Variants in ALK observed in about 807,000 individuals in gnomAD.
ALK encodes the protein ALK tyrosine kinase receptor.
A neutral mutation model predicts 163.1 loss-of-function variants in ALK; 74 were observed. The observed-to-expected ratio is 0.45, with a 90% CI of 0.38 to 0.55. ALK has a LOEUF of 0.55. Among genes scored for constraint, ALK ranks in the 20% least tolerant of loss-of-function variants. The probability of loss-of-function intolerance (pLI) is 0.00; values close to 1 mark genes in which losing one functional copy is unlikely to be tolerated. For missense variants in ALK, 2,063 were observed against 2,105.3 expected (o/e 0.98, Z 0.39); for synonymous variants, 960 against 843.2 (o/e 1.14, Z -2.40).
intron 3 of ALK, among the ~76,000 whole-genome samples, chr2:29,574,804 C>T (rs1156361119): frequency 3.3e-5 from 5 of 152,158 alleles, no homozygotes; most frequent in Admixed American, 6.5e-5. Flanking sequence ...CTTCTAAGCC[C>T]GCATTTTCTG....
intron 4 of ALK, among the ~76,000 whole-genome samples, chr2:29,435,541 T>G (rs1670376037): frequency 6.6e-6 from 1 of 152,040 alleles, no homozygotes; most frequent in Admixed American, 6.6e-5. Flanking sequence ...AGTCAAATAT[T>G]ACCCCCTCTC....
intron 5 of ALK, among the ~76,000 whole-genome samples, chr2:29,363,158 T>C (rs1191728959): frequency 1.3e-5 from 2 of 152,206 alleles, no homozygotes; most frequent in East Asian, 3.9e-4. Flanking sequence ...ATAATGGCTA[T>C]CTAGAACCTT....
chr2:29,814,976 AAATG>A (rs34886147), intron 1 of ALK, among the ~76,000 whole-genome samples: 60,250 of 141,584 alleles, frequency 0.43, 12,936 homozygotes, highest in East Asian at 0.49. Context: ...ATTTAATCTG[AAATG>A]AATGAATGAA....
intron 1 of ALK, among the ~76,000 whole-genome samples, chr2:29,735,397 C>T (rs1157823398): frequency 6.6e-6 from 1 of 151,888 alleles, no homozygotes; most frequent in Non-Finnish European, 1.5e-5. Flanking sequence ...ATAATAAATG[C>T]TATCTTAGTT....
chr2:29,240,981 G>A (rs1664508048), intron 12 of ALK, among the ~76,000 whole-genome samples: 1 of 152,146 alleles, frequency 6.6e-6, no homozygotes, highest in Non-Finnish European at 1.5e-5. Flanking sequence ...GTGTGTGAGG[G>A]GCCTCCCGGA....
At position 29,196,809 on chromosome 2, in the gene ALK, G is replaced by T. The variant is rs765457749; in HGVS notation, c.4125C>A (p.Asn1375Lys). 1 of 1,614,172 alleles carries T rather than the reference G, an allele frequency of 6.2e-7. No individual in the cohort carries two copies. Among genetic ancestry groups the T allele is most frequent in the South Asian group, 1.1e-5 (1 of 91,090 alleles). Reference protein sequence around the residue: ...CWQHQPEDRPNFAIILERIEY... With the variant: ...CWQHQPEDRPKFAIILERIEY... ...CAATCCTCTCCAAAATGATGGCAAA[G>T]TTGGGCCTGTCTTCAGGCTGATGTT... is the stretch of plus-strand genomic sequence containing the variant. The change falls in exon 28 of 29, where the codon AAC becomes AAA. Residue 1375 changes from asparagine (N) to lysine (K), a missense_variant. Physicochemically the swap from Asn to Lys is moderately conservative, Grantham distance 94. Around this residue, in one of 5 missense-constraint regions of ALK, gnomAD observed 403 missense variants for 366.2 expected, o/e 1.10. Coordinates refer to ENST00000389048, the MANE Select transcript of ALK (RefSeq NM_004304.5).
At chr2:29,342,418 A>C (rs1667819565) in intron 5 of ALK, among the ~76,000 whole-genome samples, 1 of 152,194 alleles carries the variant, frequency 6.6e-6, no homozygotes, top group African/African-American at 2.4e-5. Context: ...CAGCAGGTAG[A>C]ATGGTGGTTA....
rs1664016010 is a variant in ALK, at chr2:29,226,906, G to T, written c.3067+16C>A. ...GGCTATGGGCCCCTCTGCCTCCCCT[G>T]GCCCTGCCCCCTTACCAATGCAGGA... On this transcript the variant is annotated intron_variant, in intron 18 of 28. Transcript: ENST00000389048. 2.5e-6 allele frequency: 4 copies of T among 1,613,608 alleles called. No individual in the cohort carries two copies. In the South Asian group the frequency reaches 3.3e-5, roughly 13 times the overall value.
At chr2:29,222,120 G>A (rs1452482997) in intron 22 of ALK, among the ~76,000 whole-genome samples, 1 of 152,186 alleles carries the variant, frequency 6.6e-6, no homozygotes, top group East Asian at 1.9e-4. Context: ...CAGTGACATC[G>A]GTGGGATTAT....
chr2:29,215,812 G>C (rs570741180), intron 23 of ALK, among the ~76,000 whole-genome samples: 36 of 152,336 alleles, frequency 2.4e-4, no homozygotes, highest in African/African-American at 7.9e-4. Context: ...GCTCCACCCT[G>C]CTGGCCTCTT....
intron 9 of ALK, among the ~76,000 whole-genome samples, chr2:29,279,132 G>A (rs1014465830): frequency 1.3e-5 from 2 of 152,206 alleles, no homozygotes; most frequent in Non-Finnish European, 2.9e-5. Flanking sequence ...GCATGGATGG[G>A]ATGATGCCGG....
chr2:29,390,985 T>G (rs1669154025), intron 4 of ALK, among the ~76,000 whole-genome samples: 1 of 152,126 alleles, frequency 6.6e-6, no homozygotes, highest in Non-Finnish European at 1.5e-5. Context: ...CGAAAGGGGA[T>G]CTGGCTTCCA....
rs1375942721 is a variant in ALK, at chr2:29,227,383, C to T, written c.2914+191G>A. 6.6e-6 allele frequency among the ~76,000 whole-genome samples: 1 copy of T among 152,164 alleles called. No individual in the cohort carries two copies. The highest frequency in any genetic ancestry group is 1.5e-5 in the Non-Finnish European group (1 of 68,040). On this transcript the variant is annotated intron_variant, in intron 17 of 28. Transcript: ENST00000389048. The surrounding 1 kb of genome is among the most constrained non-coding windows in gnomAD (Gnocchi z 4.4). ...ACTGTTACATTTCCTAGGATTCTGCCTCTGCATTCATATTAAAGCACACAT... is the reference window on the plus strand; with the variant it reads ...ACTGTTACATTTCCTAGGATTCTGCTTCTGCATTCATATTAAAGCACACAT...
chr2:29,388,860 C>T (rs746185216), intron 4 of ALK, among the ~76,000 whole-genome samples: 11 of 152,186 alleles, frequency 7.2e-5, no homozygotes, highest in Non-Finnish European at 1.5e-4. Context: ...TGGTTAAATG[C>T]ATCTTTATAC....
intron 4 of ALK, among the ~76,000 whole-genome samples, chr2:29,529,465 C>T (rs955758380): frequency 2.6e-5 from 4 of 152,326 alleles, no homozygotes; most frequent in South Asian, 2.1e-4. Flanking sequence ...AGCAAGCTTT[C>T]GGCAAGGCAA....
chr2:29,574,478 C>G (rs966807298), intron 3 of ALK, among the ~76,000 whole-genome samples: 1 of 152,226 alleles, frequency 6.6e-6, no homozygotes, highest in Non-Finnish European at 1.5e-5. Flanking sequence ...TTTTCTGGGA[C>G]AGACTTGATT....
At chr2:29,664,413 A>C (rs944315220) in intron 3 of ALK, among the ~76,000 whole-genome samples, 5 of 152,080 alleles carry the variant, frequency 3.3e-5, no homozygotes, top group African/African-American at 1.2e-4. Context: ...TCAGACTCAC[A>C]GCCTTTTTGT....
At chr2:29,542,890 T>C (rs906403656) in intron 3 of ALK, among the ~76,000 whole-genome samples, 1 of 152,216 alleles carries the variant, frequency 6.6e-6, no homozygotes, top group African/African-American at 2.4e-5. Flanking sequence ...TGTTTTATTA[T>C]TTCTCTGATA....
intron 5 of ALK, among the ~76,000 whole-genome samples, chr2:29,381,915 G>A (rs751758334): frequency 4.6e-5 from 7 of 152,340 alleles, no homozygotes; most frequent in African/African-American, 1.7e-4. Context: ...AAATTTAGAA[G>A]TTCTAAGCAA....
Sources: gnomAD v4.1 joint callset for allele counts (sites outside exome capture counted in the v4.1 genomes callset) on GRCh38, gnomAD v4.1.1 for gene constraint, gnomAD v4.1.1 regional missense constraint, Gnocchi (gnomAD v3.1) non-coding constraint, MANE v1.5 for transcripts, NCBI Gene and HGNC (gene_info 2026-07-23, HGNC 2026-07-21) for gene names.